Variants in TRIM5 observed in about 807,000 individuals in gnomAD.
The protein encoded by TRIM5 is tripartite motif containing 5, also known as tripartite motif-containing protein 5.
Under a neutral mutation model 35.6 loss-of-function variants are expected in TRIM5, and 31 were observed. That is an observed-to-expected ratio of 0.87 (90% CI 0.65 to 1.18). The LOEUF is 1.18. TRIM5 is among the 50% of genes most tolerant of loss of function. The pLI, the probability that TRIM5 is intolerant of heterozygous loss-of-function variation, is 0.00. For missense variants in TRIM5, 609 were observed against 591.6 expected (o/e 1.03, Z -0.31); for synonymous variants, 243 against 215.6 (o/e 1.13, Z -1.11).
chr11:5,660,129 A>G (rs1003247547), downstream of TRIM5, among the ~76,000 whole-genome samples: 1 of 151,840 alleles, frequency 6.6e-6, no homozygotes, highest in African/African-American at 2.4e-5. Flanking sequence ...GGCGCCCACC[A>G]CCATGCCCGG....
the TRIM5 span, chr11:5,605,298 G>A: frequency 6.2e-7 from 1 of 1,612,588 alleles, no homozygotes; most frequent in South Asian, 1.1e-5. Flanking sequence ...CCCTCAGTGT[G>A]ACCGACTAGC....
At chr11:5,654,720 T>C in the TRIM5 span, among the ~76,000 whole-genome samples, 1 of 152,164 alleles carries the variant, frequency 6.6e-6, no homozygotes, top group Non-Finnish European at 1.5e-5. Flanking sequence ...GTGTTGTGGA[T>C]AGATTAACCA....
the TRIM5 span, chr11:5,610,601 G>C: frequency 1.2e-6 from 2 of 1,601,678 alleles, no homozygotes; most frequent in African/African-American, 1.3e-5. Flanking sequence ...GGCACATTCT[G>C]ATCTCCTTTC....
chr11:5,653,795 CTG>C, the TRIM5 span, among the ~76,000 whole-genome samples: 3 of 151,904 alleles, frequency 2.0e-5, no homozygotes, highest in East Asian at 5.8e-4. Context: ...CCGGCTAAAA[CTG>C]TTTTATTTAA....
Position 5,663,431 on chromosome 11 carries a change from A to C in TRIM5, c.*1378T>G. On this transcript the variant is annotated 3_prime_UTR_variant, in exon 8 of 8. Coordinates refer to ENST00000380034, the MANE Select transcript of TRIM5 (RefSeq NM_033034.3). Reference sequence around the variant, plus strand: ...TTGACAGTAGTATCTGAGATCTAAAAAATGAGAATTTAGTAAATCCAATCC... The same window carrying C: ...TTGACAGTAGTATCTGAGATCTAAACAATGAGAATTTAGTAAATCCAATCC... 2 of 985,208 alleles carry C rather than the reference A, an allele frequency of 2.0e-6. No homozygotes were observed. The highest frequency in any genetic ancestry group is 2.4e-6 in the Non-Finnish European group (2 of 829,684). The allele number at this position is 985,208 out of a possible 1,614,324, so 61.0% of individuals were successfully genotyped here. A position where few individuals can be genotyped will look rare whatever the true frequency, so the allele number is the denominator to read the frequency against.
At chr11:5,599,913 C>T in the TRIM5 span, among the ~76,000 whole-genome samples, 1 of 152,126 alleles carries the variant, frequency 6.6e-6, no homozygotes, top group Non-Finnish European at 1.5e-5. Flanking sequence ...TCTAGAGCCT[C>T]TATTGCCTCT....
At chr11:5,597,680 C>CA in the TRIM5 span, among the ~76,000 whole-genome samples, 2 of 152,090 alleles carry the variant, frequency 1.3e-5, no homozygotes, top group Non-Finnish European at 2.9e-5. Flanking sequence ...TCTGAACCCC[C>CA]AGCCTACACC....
chr11:5,629,853 G>A, the TRIM5 span, among the ~76,000 whole-genome samples: 5 of 152,112 alleles, frequency 3.3e-5, no homozygotes, highest in Non-Finnish European at 5.9e-5. Context: ...GACTACAGGC[G>A]CCCGCCGCCA....
chr11:5,683,295 G>T (rs1281456984), intron 1 of TRIM5, among the ~76,000 whole-genome samples: 2 of 152,230 alleles, frequency 1.3e-5, no homozygotes, highest in African/African-American at 4.8e-5. Context: ...CAGGTGCGTG[G>T]CATGGCACAG....
At chr11:5,683,432 A>G (rs1337916750) in intron 1 of TRIM5, among the ~76,000 whole-genome samples, 1 of 152,218 alleles carries the variant, frequency 6.6e-6, no homozygotes, top group African/African-American at 2.4e-5. Flanking sequence ...TGCACCAATC[A>G]GCACCCTGTG....
At chr11:5,676,027 G>T (rs1851952500) in intron 4 of TRIM5, among the ~76,000 whole-genome samples, 1 of 136,336 alleles carries the variant, frequency 7.3e-6, no homozygotes, top group Non-Finnish European at 1.6e-5. Context: ...CAAAGGACAT[G>T]AACTCATCAT....
the TRIM5 span, among the ~76,000 whole-genome samples, chr11:5,623,091 A>C: frequency 7.2e-6 from 1 of 138,496 alleles, no homozygotes; most frequent in Non-Finnish European, 1.5e-5. Context: ...GGTGACTTTG[A>C]GTTCTGTCTG....
At chr11:5,665,610 AATG>A (rs1426777793) in intron 7 of TRIM5, 43 bp downstream of exon 7, 5 of 1,581,794 alleles carry the variant, frequency 3.2e-6, no homozygotes, top group East Asian at 2.2e-5. Flanking sequence ...AGATAATAAT[AATG>A]ATAAGCCGCA....
At chr11:5,670,387 G>A (rs376481547) in intron 4 of TRIM5, among the ~76,000 whole-genome samples, 25 of 151,272 alleles carry the variant, frequency 1.7e-4, no homozygotes, top group East Asian at 5.9e-4. Flanking sequence ...GGTTTTCACC[G>A]TGTAAGCCAG....
At chr11:5,610,528 A>G in the TRIM5 span, 2 of 1,614,120 alleles carry the variant, frequency 1.2e-6, no homozygotes. Flanking sequence ...TCTTTTCATC[A>G]TTACAGAGCT....
chr11:5,603,340 C>T, the TRIM5 span: 35 of 1,613,992 alleles, frequency 2.2e-5, no homozygotes, highest in Admixed American at 2.3e-4. Flanking sequence ...GGTGGACATA[C>T]GAGAAGAGGT....
chr11:5,679,655 G>A (rs1456370065), intron 2 of TRIM5, 106 bp downstream of exon 2: 24 of 1,220,042 alleles, frequency 2.0e-5, no homozygotes, highest in South Asian at 3.5e-5. Context: ...AAATAATCCC[G>A]GGTCTCAGGT....
chr11:5,684,300 G>C (rs963043093), intron 1 of TRIM5, among the ~76,000 whole-genome samples: 1 of 152,184 alleles, frequency 6.6e-6, no homozygotes, highest in Non-Finnish European at 1.5e-5. Context: ...CACTGTTTTG[G>C]GGGAGGGGGC....
chr11:5,682,957 G>A (rs1370932619), intron 1 of TRIM5, among the ~76,000 whole-genome samples: 3 of 152,234 alleles, frequency 2.0e-5, no homozygotes, highest in Non-Finnish European at 2.9e-5. Flanking sequence ...GGAGAGGGGC[G>A]AGCGGGAACC....
Sources: gnomAD v4.1 joint callset for allele counts (sites outside exome capture counted in the v4.1 genomes callset) on GRCh38, gnomAD v4.1.1 for gene constraint, MANE v1.5 for transcripts, NCBI Gene and HGNC (gene_info 2026-07-23, HGNC 2026-07-21) for gene names.